KAZN: variants seen among roughly 807,000 people sequenced by gnomAD.
KAZN encodes the protein kazrin.
In KAZN, 40 loss-of-function variants were observed where a neutral mutation model predicts 87.4. The ratio of observed to expected loss-of-function variants is 0.46; its 90% CI spans 0.36 to 0.60. The LOEUF (loss-of-function observed/expected upper bound fraction) is 0.60. Among genes scored for constraint, KAZN ranks in the 20% least tolerant of loss-of-function variants. KAZN has a pLI of 0.00. For synonymous variants in KAZN, 466 were observed against 458.3 expected (o/e 1.02, Z -0.22); for missense variants, 898 against 1,073.9 (o/e 0.84, Z 2.29).
At chr1:14,843,455 G>A (rs1648276893) in intron 1 of KAZN, among the ~76,000 whole-genome samples, 1 of 152,144 alleles carries the variant, frequency 6.6e-6, no homozygotes, top group Non-Finnish European at 1.5e-5. Context: ...GGCACAGGAG[G>A]CCCCTAATCT....
At chr1:14,532,703 A>G (rs1250564797) in intron 2 of KAZN, among the ~76,000 whole-genome samples, 1 of 140,888 alleles carries the variant, frequency 7.1e-6, no homozygotes, top group African/African-American at 2.7e-5. Flanking sequence ...CCTACCTATG[A>G]GTGAGAACAT....
chr1:14,977,257 G>T (rs945338972), intron 2 of KAZN, among the ~76,000 whole-genome samples: 1 of 152,202 alleles, frequency 6.6e-6, no homozygotes, highest in Non-Finnish European at 1.5e-5. Context: ...CCCCGCAGCT[G>T]GGTGAGTAAG....
At chr1:14,606,299 T>C (rs536572724) in intron 1 of KAZN, among the ~76,000 whole-genome samples, 1 of 152,316 alleles carries the variant, frequency 6.6e-6, no homozygotes, top group African/African-American at 2.4e-5. Flanking sequence ...TAGCCTTGTC[T>C]CTACTCCTGA....
chr1:14,391,112 G>A (rs541257563), intron 2 of KAZN, among the ~76,000 whole-genome samples: 1 of 152,316 alleles, frequency 6.6e-6, no homozygotes, highest in African/African-American at 2.4e-5. Context: ...TAAGCCAGAG[G>A]CCACTTAGGA....
At chr1:13,896,753 G>A (rs1639060952) in intron 1 of KAZN, among the ~76,000 whole-genome samples, 1 of 152,142 alleles carries the variant, frequency 6.6e-6, no homozygotes, top group African/African-American at 2.4e-5. Context: ...TGACAACTGG[G>A]GCTAATCTTT....
chr1:14,788,664 C>G (rs1645582556), intron 1 of KAZN, among the ~76,000 whole-genome samples: 1 of 152,132 alleles, frequency 6.6e-6, no homozygotes, highest in Admixed American at 6.5e-5. Context: ...GCTTACGACC[C>G]AGAGGCCTGA....
intron 2 of KAZN, among the ~76,000 whole-genome samples, chr1:14,592,002 C>T (rs574311098): frequency 8.5e-5 from 13 of 152,142 alleles, no homozygotes; most frequent in South Asian, 2.1e-4. Context: ...TGGGGTTCCG[C>T]GGCCTGCACA....
At chr1:15,014,540 G>A (rs1009679358) in intron 2 of KAZN, among the ~76,000 whole-genome samples, 8 of 152,194 alleles carry the variant, frequency 5.3e-5, no homozygotes, top group Non-Finnish European at 8.8e-5. Context: ...TGAGCCTCTC[G>A]TGGCACGGCA....
intron 1 of KAZN, among the ~76,000 whole-genome samples, chr1:14,757,325 T>C (rs1644598542): frequency 6.6e-6 from 1 of 152,208 alleles, no homozygotes; most frequent in Non-Finnish European, 1.5e-5. Flanking sequence ...ATCTCATTTC[T>C]GAGCAATGGC....
intron 2 of KAZN, among the ~76,000 whole-genome samples, chr1:14,225,611 T>G (rs1440211890): frequency 6.6e-6 from 1 of 152,134 alleles, no homozygotes; most frequent in Non-Finnish European, 1.5e-5. Context: ...TCATACTACC[T>G]TACTTCAAAC....
chr1:14,653,928 CCTGGCCTCCGCCTACCAGATGCCAGTGG>C (rs1393639210), intron 1 of KAZN, among the ~76,000 whole-genome samples: 1 of 152,196 alleles, frequency 6.6e-6, no homozygotes, highest in Non-Finnish European at 1.5e-5. Flanking sequence ...TAGCAGTATC[CCTGGCCTCCGCCTACCAGATGCCAGTGG>C]CATTCCCTTT....
intron 2 of KAZN, among the ~76,000 whole-genome samples, chr1:14,488,342 C>T (rs1487925999): frequency 6.6e-6 from 1 of 152,150 alleles, no homozygotes; most frequent in Non-Finnish European, 1.5e-5. Flanking sequence ...ACGGTGACCT[C>T]TCATCGTCGC....
At chr1:13,969,343 T>A (rs1642056504) in intron 1 of KAZN, among the ~76,000 whole-genome samples, 1 of 152,160 alleles carries the variant, frequency 6.6e-6, no homozygotes, top group African/African-American at 2.4e-5. Context: ...CTTAATCCAA[T>A]AAGTCCTTAC....
intron 1 of KAZN, among the ~76,000 whole-genome samples, chr1:14,728,191 CA>C (rs755827632): frequency 3.4e-5 from 5 of 147,098 alleles, no homozygotes; most frequent in Non-Finnish European, 4.5e-5. Flanking sequence ...GAGGCTGAGG[CA>C]GGAGAATCGC....
At chr1:14,997,529 C>T (rs557416727) in intron 2 of KAZN, among the ~76,000 whole-genome samples, 8 of 152,096 alleles carry the variant, frequency 5.3e-5, no homozygotes, top group South Asian at 2.1e-4. Flanking sequence ...TGTGAGCCAC[C>T]GCACCTGGCC....
At chr1:14,071,198 G>T (rs1005668173) in intron 1 of KAZN, among the ~76,000 whole-genome samples, 1 of 152,112 alleles carries the variant, frequency 6.6e-6, no homozygotes, top group Admixed American at 6.5e-5. Context: ...TTAGCTGCAG[G>T]TGTCACTCTT....
At chr1:13,971,943 C>A (rs1642152556) in intron 1 of KAZN, among the ~76,000 whole-genome samples, 1 of 152,270 alleles carries the variant, frequency 6.6e-6, no homozygotes, top group East Asian at 1.9e-4. Flanking sequence ...GAGGCCTCCC[C>A]AGAGGCTGAT....
intron 1 of KAZN, among the ~76,000 whole-genome samples, chr1:14,177,155 C>G (rs1646095522): frequency 6.6e-6 from 1 of 151,412 alleles, no homozygotes; most frequent in Admixed American, 6.6e-5. Context: ...GAGACGCCAT[C>G]TCAAAAAAAA....
At chr1:14,218,915 TATC>T (rs1460643555) in intron 2 of KAZN, among the ~76,000 whole-genome samples, 1 of 152,142 alleles carries the variant, frequency 6.6e-6, no homozygotes, top group Non-Finnish European at 1.5e-5. Flanking sequence ...CATTTGCTGT[TATC>T]ATAAGTAAAG....
Sources: allele counts gnomAD v4.1 joint callset (sites outside exome capture counted in the v4.1 genomes callset), GRCh38; gene constraint gnomAD v4.1.1; transcripts MANE v1.5; gene names NCBI Gene and HGNC (gene_info 2026-07-23, HGNC 2026-07-21).